MTA1: variants seen among roughly 807,000 people sequenced by gnomAD.
MTA1 encodes the protein metastasis associated 1, also known as metastasis-associated protein MTA1.
A neutral mutation model predicts 97.0 loss-of-function variants in MTA1; 15 were observed. The ratio of observed to expected loss-of-function variants is 0.15; its 90% confidence interval spans 0.10 to 0.24. The LOEUF (loss-of-function observed/expected upper bound fraction) is 0.24, where lower values mean the gene tolerates loss of function less well. MTA1 is among the 10% of genes least tolerant of loss of function. The pLI, the probability that MTA1 is intolerant of heterozygous loss-of-function variation, is 1.00. For synonymous variants in MTA1, 435 were observed against 417.5 expected (o/e 1.04, Z -0.51); for missense variants, 709 against 1,015.1 (o/e 0.70, Z 4.10).
chr14:105,465,059 G>A (rs1555432286), intron 15 of MTA1, 35 bp from the exon 16 acceptor site: 5 of 1,481,040 alleles, frequency 3.4e-6, no homozygotes, highest in Non-Finnish European at 4.5e-6. Flanking sequence ...TCCCCTGGGG[G>A]TGCCCCACCC....
chr14:105,462,737 G>A (rs1252639088), intron 10 of MTA1, among the ~76,000 whole-genome samples: 1 of 151,016 alleles, frequency 6.6e-6, no homozygotes, highest in African/African-American at 2.4e-5. Context: ...GGTGTGTTGA[G>A]AGGTGCCTGT....
chr14:105,463,857 C>A lies in MTA1; in HGVS notation c.1077-175C>A. On this transcript the variant is annotated intron_variant, in intron 12 of 20. Transcript: ENST00000331320. The surrounding 1 kb of genome is among the most constrained non-coding windows in gnomAD (Gnocchi z 5.9). Reference sequence around the variant, plus strand: ...CGGGGGCCTGGAGAACGGCTCAGACCTCAGCAGTGGCTCCCAGGAACTGAA... The same window carrying A: ...CGGGGGCCTGGAGAACGGCTCAGACATCAGCAGTGGCTCCCAGGAACTGAA... 1.4e-6 allele frequency: 1 copy of A among 704,246 alleles called. No homozygotes were observed. 43.6% of individuals were successfully genotyped at this position (704,246 alleles called of 1,614,324 possible).
intron 10 of MTA1, among the ~76,000 whole-genome samples, chr14:105,462,169 G>C (rs2083382446): frequency 6.6e-6 from 1 of 152,256 alleles, no homozygotes; most frequent in Non-Finnish European, 1.5e-5. Context: ...GGAGGCTGCA[G>C]CTTCGGGGCT....
chr14:105,468,382 G>A, intron 18 of MTA1: 1 of 1,303,772 alleles, frequency 7.7e-7, no homozygotes, highest in South Asian at 1.2e-5. Context: ...GCCAGCCCTG[G>A]GCGCTGGGCC....
chr14:105,439,210 C>G (rs1193985252), intron 2 of MTA1, among the ~76,000 whole-genome samples: 1 of 130,348 alleles, frequency 7.7e-6, no homozygotes, highest in East Asian at 2.3e-4. Context: ...ACTCAGGCAG[C>G]CCTGCAGGGC....
intron 1 of MTA1, among the ~76,000 whole-genome samples, chr14:105,433,675 C>T (rs1356594825): frequency 6.6e-6 from 1 of 152,180 alleles, no homozygotes; most frequent in Non-Finnish European, 1.5e-5. Context: ...AGAGGAAACA[C>T]ATGAACTCAC....
chr14:105,441,655 G>T (rs587768342), intron 2 of MTA1, among the ~76,000 whole-genome samples: 33 of 152,278 alleles, frequency 2.2e-4, no homozygotes, highest in East Asian at 9.6e-4. Flanking sequence ...TTAGCCGGGC[G>T]TGGTGGCGGG....
In MTA1 at chr14:105,463,689, GC is replaced by G; in HGVS notation, c.1076+141del. 1 of 823,356 alleles carries G rather than the reference GC, an allele frequency of 1.2e-6. No homozygotes were observed. The highest frequency in any genetic ancestry group is 1.9e-6 in the Non-Finnish European group (1 of 513,218). The allele number at this position is 823,356 out of a possible 1,614,324, so 51.0% of individuals were successfully genotyped here. A position where few individuals can be genotyped will look rare whatever the true frequency, so the allele number is the denominator to read the frequency against. On this transcript the variant is annotated intron_variant, in intron 12 of 20. Coordinates refer to ENST00000331320, the MANE Select transcript of MTA1 (RefSeq NM_004689.4). This position sits in a 1 kb window ranked among gnomAD's most constrained non-coding sequence, Gnocchi z 5.9. ...AGTTGGGGCAGCCCCCGGGAGGGCG[GC>G]CCAGGGCTGGGGGGTTCTGGCTGCA...
intron 7 of MTA1, among the ~76,000 whole-genome samples, chr14:105,457,353 C>T (rs1248876820): frequency 1.3e-5 from 2 of 152,220 alleles, no homozygotes; most frequent in Admixed American, 6.5e-5. Context: ...TGGCCCTGGC[C>T]GACTGCAGGC....
At chr14:105,449,944 C>A in intron 4 of MTA1, 114 bp from the exon 5 acceptor site, 1 of 1,443,520 alleles carries the variant, frequency 6.9e-7, no homozygotes, top group Non-Finnish European at 9.5e-7. Context: ...GGAGGAGGCA[C>A]GCCTCCCAGG....
intron 13 of MTA1, 103 bp from the exon 14 acceptor site, chr14:105,464,313 G>T (rs2083477794): frequency 1.4e-6 from 2 of 1,462,134 alleles, no homozygotes; most frequent in South Asian, 1.3e-5. Context: ...ACGTGTGGGG[G>T]TGCCTGGCGG....
intron 2 of MTA1, among the ~76,000 whole-genome samples, chr14:105,439,810 C>T (rs1185817061): frequency 1.3e-5 from 2 of 152,270 alleles, no homozygotes; most frequent in East Asian, 1.9e-4. Context: ...CTGGGGCACT[C>T]GGGCCCTTGG....
At chr14:105,462,821 A>G (rs924669877) in intron 10 of MTA1, among the ~76,000 whole-genome samples, 14 of 152,144 alleles carry the variant, frequency 9.2e-5, no homozygotes, top group African/African-American at 3.4e-4. Flanking sequence ...GCGAGCCGAG[A>G]TTGTACTACT....
In MTA1 at chr14:105,463,335, C is replaced by T. The variant is rs782661130; in HGVS notation, c.1017+77C>T. The T allele has an allele frequency of 2.1e-4, 328 of 1,541,898 alleles. No individual in the cohort carries two copies. Among genetic ancestry groups the T allele is most frequent in the Non-Finnish European group, 2.5e-4 (283 of 1,118,198 alleles). On this transcript the variant is annotated intron_variant, in intron 11 of 20. Coordinates refer to ENST00000331320, the MANE Select transcript of MTA1 (RefSeq NM_004689.4). This position sits in a 1 kb window ranked among gnomAD's most constrained non-coding sequence, Gnocchi z 5.9. ...GCCCCATCCTCTCCCAGCAGGTGGG[C>T]GTGCACTGCTGCAGCAGGAGGGGAA...
chr14:105,423,653 C>T (rs899885196), intron 1 of MTA1, among the ~76,000 whole-genome samples: 1 of 152,268 alleles, frequency 6.6e-6, no homozygotes, highest in Non-Finnish European at 1.5e-5. Flanking sequence ...GCCCCGGTCT[C>T]TGGCGCAGCC....
rs2081887700 is a variant in MTA1 at position 105,422,800 on chromosome 14, G to A, written c.28+2737G>A. On this transcript the variant is annotated intron_variant, in intron 1 of 20. Coordinates refer to ENST00000331320, the MANE Select transcript of MTA1 (RefSeq NM_004689.4). This position sits in a 1 kb window ranked among gnomAD's most constrained non-coding sequence, Gnocchi z 4.3. ...CCAGCTGAGCTGGGTGAAGTGGTGAGCAGGGAGGGAACAGGGCCTGTTTCT... is the reference window on the plus strand; with the variant it reads ...CCAGCTGAGCTGGGTGAAGTGGTGAACAGGGAGGGAACAGGGCCTGTTTCT... Among the ~76,000 whole-genome samples the A allele has an allele frequency of 6.6e-6, 1 of 152,198 alleles. No homozygotes were observed. The highest frequency in any genetic ancestry group is 1.5e-5 in the Non-Finnish European group (1 of 68,036).
At chr14:105,449,193 C>T in intron 3 of MTA1, 166 bp from the exon 4 acceptor site, 1 of 587,728 alleles carries the variant, frequency 1.7e-6, no homozygotes, top group Middle Eastern at 4.5e-4. Context: ...GACGTCGAGG[C>T]CCAGATGATC....
chr14:105,444,722 C>T (rs928601001), intron 2 of MTA1, among the ~76,000 whole-genome samples: 10 of 148,082 alleles, frequency 6.8e-5, no homozygotes, highest in Non-Finnish European at 1.5e-4. Flanking sequence ...ACCCAGGAGG[C>T]AGAGGTTGCA....
Position 105,425,450 on chromosome 14 carries a change from A to AT in MTA1, c.28+5393dup, listed in dbSNP as rs1164370704. On this transcript the variant is annotated intron_variant, in intron 1 of 20. Transcript: ENST00000331320. ...ACCACCATACCCAGCTAATTTTAAG[A>AT]TTTTTTATAGAGGCGGAGTCTCACT... Among the ~76,000 whole-genome samples the AT allele has an allele frequency of 4.6e-5, 7 of 151,800 alleles. No individual in the cohort carries two copies. In the South Asian group the frequency reaches 1.3e-3, roughly 27 times the overall value.
Sources: gnomAD v4.1 joint callset for allele counts (sites outside exome capture counted in the v4.1 genomes callset) on GRCh38, gnomAD v4.1.1 for gene constraint, Gnocchi (gnomAD v3.1) non-coding constraint, MANE v1.5 for transcripts, NCBI Gene and HGNC (gene_info 2026-07-23, HGNC 2026-07-21) for gene names.